The following MACROH2A2 variants were observed in gnomAD, a reference collection of about 807,000 sequenced individuals.
MACROH2A2 encodes the protein macroH2A.2 histone, also known as core histone macro-H2A.2.
A neutral mutation model predicts 37.6 loss-of-function variants in MACROH2A2; 6 were observed. That is an observed-to-expected ratio of 0.16 (90% CI 0.09 to 0.32). The LOEUF is 0.32. MACROH2A2 is among the 10% of genes least tolerant of loss of function. The probability of loss-of-function intolerance (pLI) is 1.00; values close to 1 mark genes in which losing one functional copy is unlikely to be tolerated. For missense variants in MACROH2A2, 290 were observed against 485.9 expected (o/e 0.60, Z 3.79); for synonymous variants, 192 against 202.7 (o/e 0.95, Z 0.45).
At chr10:70,069,243 C>T (rs1434316212) in intron 1 of MACROH2A2, among the ~76,000 whole-genome samples, 2 of 152,148 alleles carry the variant, frequency 1.3e-5, no homozygotes, top group African/African-American at 2.4e-5. Flanking sequence ...GCCCTCTTCC[C>T]CAGCACACAC....
chr10:70,104,768 G>A (rs1229584724), intron 7 of MACROH2A2, among the ~76,000 whole-genome samples: 1 of 152,228 alleles, frequency 6.6e-6, no homozygotes, highest in African/African-American at 2.4e-5. Flanking sequence ...GCAGAGAAGA[G>A]AGTGAGACAT....
intron 4 of MACROH2A2, among the ~76,000 whole-genome samples, chr10:70,093,070 C>T (rs185499441): frequency 6.3e-4 from 96 of 151,796 alleles, no homozygotes; most frequent in African/African-American, 2.0e-3. Flanking sequence ...AATGCAGTGG[C>T]GAGATCATAG....
intron 2 of MACROH2A2, among the ~76,000 whole-genome samples, chr10:70,089,133 GA>G (rs1027747971): frequency 1.3e-5 from 2 of 152,130 alleles, no homozygotes; most frequent in African/African-American, 4.8e-5. Flanking sequence ...GACAGTCTAA[GA>G]GAAGTCCAAG....
chr10:70,081,817 T>A (rs535574477), intron 2 of MACROH2A2, among the ~76,000 whole-genome samples: 30 of 152,284 alleles, frequency 2.0e-4, no homozygotes, highest in African/African-American at 7.0e-4. Flanking sequence ...AATAATTTAA[T>A]TGTACATTTT....
intron 1 of MACROH2A2, among the ~76,000 whole-genome samples, chr10:70,070,977 G>C (rs544817908): frequency 1.3e-5 from 2 of 151,048 alleles, no homozygotes; most frequent in East Asian, 1.9e-4. Context: ...GTGTGTGTGT[G>C]TGTGTGTCTG....
chr10:70,093,587 C>T, intron 4 of MACROH2A2, 148 bp from the exon 5 acceptor site: 1 of 578,872 alleles, frequency 1.7e-6, no homozygotes, highest in South Asian at 2.4e-5. Flanking sequence ...CTGACTTTTG[C>T]TCCCCTCCTT....
chr10:70,084,084 G>A lies in MACROH2A2; in HGVS notation c.173-5976G>A, dbSNP rs2072196729. Among the ~76,000 whole-genome samples the A allele has an allele frequency of 2.0e-5, 3 of 152,106 alleles. No individual in the cohort carries two copies. The South Asian group carries it at 6.2e-4, about 32-fold the overall frequency. On this transcript the variant is annotated intron_variant, in intron 2 of 8. Transcript: ENST00000373255. ...AACAAGTAGGTCTTAAAATAGGGCT[G>A]AATTTCAGGACATCCCATGAAATCA...
At chr10:70,083,441 A>G (rs1341376804) in intron 2 of MACROH2A2, among the ~76,000 whole-genome samples, 2 of 152,180 alleles carry the variant, frequency 1.3e-5, no homozygotes, top group Non-Finnish European at 2.9e-5. Context: ...CCAATGAGCC[A>G]CCATCAGTAG....
intron 1 of MACROH2A2, among the ~76,000 whole-genome samples, chr10:70,072,421 C>A (rs1180216261): frequency 2.0e-5 from 3 of 152,102 alleles, no homozygotes; most frequent in Non-Finnish European, 2.9e-5. Flanking sequence ...GCTGTCATCT[C>A]CTGTAATAAT....
chr10:70,053,488 C>T lies in MACROH2A2; in HGVS notation c.-60+488C>T, dbSNP rs1004343399. 6.6e-6 allele frequency among the ~76,000 whole-genome samples: 1 copy of T among 151,700 alleles called. No homozygotes were observed. The highest frequency in any genetic ancestry group is 1.5e-5 in the Non-Finnish European group (1 of 67,856). On this transcript the variant is annotated intron_variant, in intron 1 of 8. Coordinates refer to ENST00000373255, the MANE Select transcript of MACROH2A2 (RefSeq NM_018649.3). This position sits in a 1 kb window ranked among gnomAD's most constrained non-coding sequence, Gnocchi z 4.8. ...GCCGCTCGGGGGCCTCTGAAGGTGC[C>T]CGGGCAGGGCGCCGGCGGCTCCAGG...
At chr10:70,110,612 G>A (rs72807042) in intron 8 of MACROH2A2, among the ~76,000 whole-genome samples, 14,187 of 152,172 alleles carry the variant, frequency 0.093, 936 homozygotes, top group African/African-American at 0.18. Context: ...GAGCTGGCAC[G>A]GTGGCTCACG....
At chr10:70,064,957 C>G (rs140915436) in intron 1 of MACROH2A2, among the ~76,000 whole-genome samples, 1 of 152,144 alleles carries the variant, frequency 6.6e-6, no homozygotes, top group South Asian at 2.1e-4. Context: ...TGCCCACCAA[C>G]CAATGGTTGA....
chr10:70,085,933 A>G (rs1278635598), intron 2 of MACROH2A2, among the ~76,000 whole-genome samples: 1 of 152,238 alleles, frequency 6.6e-6, no homozygotes, highest in Non-Finnish European at 1.5e-5. Flanking sequence ...TCATGGGACT[A>G]TATTTGCCAT....
chr10:70,092,699 C>A (rs1234212751), intron 4 of MACROH2A2, among the ~76,000 whole-genome samples: 1 of 152,148 alleles, frequency 6.6e-6, no homozygotes. Flanking sequence ...TCTAGGTTTC[C>A]AAACCCTAAG....
intron 6 of MACROH2A2, among the ~76,000 whole-genome samples, chr10:70,097,868 G>A (rs2072284155): frequency 6.6e-6 from 1 of 152,138 alleles, no homozygotes; most frequent in African/African-American, 2.4e-5. Context: ...CAGCTACTTG[G>A]GAAGCTGAGG....
At chr10:70,089,765 AT>A (rs1554822529) in intron 2 of MACROH2A2, among the ~76,000 whole-genome samples, 6 of 149,960 alleles carry the variant, frequency 4.0e-5, no homozygotes, top group South Asian at 4.2e-4. Context: ...ATTTTTTTAA[AT>A]TTTTTTTTTA....
intron 1 of MACROH2A2, among the ~76,000 whole-genome samples, chr10:70,064,703 T>C (rs1210763807): frequency 1.3e-5 from 2 of 151,890 alleles, no homozygotes; most frequent in Non-Finnish European, 2.9e-5. Flanking sequence ...TTCCTCCTCA[T>C]TTTTTTCTTG....
chr10:70,057,322 G>A (rs1330970054), intron 1 of MACROH2A2, among the ~76,000 whole-genome samples: 2 of 131,974 alleles, frequency 1.5e-5, no homozygotes, highest in African/African-American at 5.9e-5. Flanking sequence ...TCCCTTCCAA[G>A]CCATTCCTTT....
intron 2 of MACROH2A2, 133 bp from the exon 3 acceptor site, chr10:70,089,927 G>C: frequency 1.4e-6 from 1 of 708,908 alleles, no homozygotes; most frequent in Non-Finnish European, 2.5e-6. Flanking sequence ...ACGCTTCCTG[G>C]ATTTCTTTCC....
Sources: gnomAD v4.1 joint callset for allele counts (sites outside exome capture counted in the v4.1 genomes callset) on GRCh38, gnomAD v4.1.1 for gene constraint, Gnocchi (gnomAD v3.1) non-coding constraint, MANE v1.5 for transcripts, NCBI Gene and HGNC (gene_info 2026-07-23, HGNC 2026-07-21) for gene names.